Variants in DNAJC25 observed in about 807,000 individuals in gnomAD.
The protein encoded by DNAJC25 is dnaJ homolog subfamily C member 25.
Under a neutral mutation model 42.1 loss-of-function variants are expected in DNAJC25, and 26 were observed. The ratio of observed to expected loss-of-function variants is 0.62; its 90% CI spans 0.45 to 0.86. The LOEUF is 0.86. Among genes scored for constraint, DNAJC25 ranks in the 40% least tolerant of loss-of-function variants. DNAJC25 has a pLI of 0.00. For missense variants in DNAJC25, 404 were observed against 459.4 expected (o/e 0.88, Z 1.10); for synonymous variants, 189 against 179.9 (o/e 1.05, Z -0.40).
Position 111,651,527 on chromosome 9 carries a change from T to G in DNAJC25, c.961-1573T>G, listed in dbSNP as rs113911634. Among the ~76,000 whole-genome samples, 1,305 of 152,232 alleles carry G rather than the reference T, an allele frequency of 8.6e-3. 23 individuals are homozygous for G. Among genetic ancestry groups the G allele is most frequent in the African/African-American group, 0.03 (1,244 of 41,538 alleles). Reference sequence around the variant, plus strand: ...AAGTAAAATAATTTCTTTCCAAAATTTGATGTGGCTGTGAAACTGGCTAAG... The same window carrying G: ...AAGTAAAATAATTTCTTTCCAAAATGTGATGTGGCTGTGAAACTGGCTAAG... On this transcript the variant is annotated intron_variant, in intron 3 of 3. Coordinates refer to ENST00000313525, the MANE Select transcript of DNAJC25 (RefSeq NM_001015882.3).
chr9:111,650,293 G>C (rs1013923), intron 3 of DNAJC25, among the ~76,000 whole-genome samples: 1,635 of 132,862 alleles, frequency 0.012, 31 homozygotes, highest in African/African-American at 0.048. Context: ...CCTAGCCACA[G>C]AGACTTAAAA....
intron 1 of DNAJC25, among the ~76,000 whole-genome samples, chr9:111,643,530 C>T (rs896899263): frequency 1.3e-5 from 2 of 152,088 alleles, no homozygotes; most frequent in Non-Finnish European, 2.9e-5. Flanking sequence ...GAGAAATAGA[C>T]ATTTGAAGAC....
At chr9:111,653,011 TTA>T in intron 3 of DNAJC25, 87 bp from the exon 4 acceptor site, 1 of 1,346,180 alleles carries the variant, frequency 7.4e-7, no homozygotes, top group Non-Finnish European at 9.7e-7. Flanking sequence ...TTACCTAACA[TTA>T]TGTTAGAAAA....
chr9:111,634,263 G>C (rs1015806337), intron 1 of DNAJC25, among the ~76,000 whole-genome samples: 1 of 152,188 alleles, frequency 6.6e-6, no homozygotes, highest in African/African-American at 2.4e-5. Flanking sequence ...ATAAGGATAA[G>C]GACTTTGACT....
In DNAJC25 at chr9:111,652,248, G is replaced by T. The variant is rs909868792; in HGVS notation, c.961-852G>T. Among the ~76,000 whole-genome samples, 4 of 151,936 alleles carry T rather than the reference G, an allele frequency of 2.6e-5. No homozygotes were observed. In the East Asian group the frequency reaches 5.8e-4, roughly 22 times the overall value. ...TTCTAGGCAGGGTGCAGTGGCTCAC[G>T]CCTGTAATCCCAACACTTTGGGAGG... is the stretch of plus-strand genomic sequence containing the variant. On this transcript the variant is annotated intron_variant, in intron 3 of 3. Transcript: ENST00000313525.
At position 111,647,143 on chromosome 9, in the gene DNAJC25, G is replaced by A. The variant is rs1371966929; in HGVS notation, c.373G>A (p.Asp125Asn). 6.2e-7 allele frequency: 1 copy of A among 1,614,030 alleles called. No homozygotes were observed. Among genetic ancestry groups the A allele is most frequent in the Non-Finnish European group, 8.5e-7 (1 of 1,179,968 alleles). The change falls in exon 2 of 4, where the codon GAT becomes AAT. Residue 125 changes from aspartate to asparagine, a missense_variant. Coordinates refer to ENST00000313525, the MANE Select transcript of DNAJC25 (RefSeq NM_001015882.3). The part of the protein sequence containing the change: ...ETRKDYDYML[D>N]HPEEYYSHYY... The stretch of plus-strand genomic sequence containing the variant: ...ACGAAAAGATTATGATTACATGCTG[G>A]ATCATCCAGAAGAGTACTACAGCCA...
intron 1 of DNAJC25, among the ~76,000 whole-genome samples, chr9:111,638,395 G>T (rs1830395750): frequency 2.6e-5 from 4 of 152,184 alleles, no homozygotes; most frequent in Admixed American, 2.6e-4. Flanking sequence ...ATTATTTCCA[G>T]TTTTCTACAA....
chr9:111,641,660 G>A (rs1311670476), intron 1 of DNAJC25, among the ~76,000 whole-genome samples: 10 of 118,550 alleles, frequency 8.4e-5, no homozygotes, highest in Admixed American at 1.6e-4. Flanking sequence ...CAGCCGCCCC[G>A]TCCGGGAGGG....
chr9:111,641,733 C>G (rs1830473356), intron 1 of DNAJC25, among the ~76,000 whole-genome samples: 1 of 131,780 alleles, frequency 7.6e-6, no homozygotes, highest in African/African-American at 3.0e-5. Context: ...TGAGGGGCGC[C>G]TCTGCCCGGC....
intron 1 of DNAJC25, among the ~76,000 whole-genome samples, chr9:111,640,393 T>C (rs1830434601): frequency 7.4e-6 from 1 of 135,372 alleles, no homozygotes; most frequent in Non-Finnish European, 1.6e-5. Flanking sequence ...GCCCATCGTC[T>C]GGGATGTGAG....
intron 1 of DNAJC25, among the ~76,000 whole-genome samples, chr9:111,640,924 G>GC (rs1369749540): frequency 9.9e-6 from 1 of 100,740 alleles, no homozygotes; most frequent in Non-Finnish European, 1.8e-5. Context: ...GTGCCGTCCG[G>GC]CCAGCCGTGC....
chr9:111,638,020 A>G (rs1225901242), intron 1 of DNAJC25, among the ~76,000 whole-genome samples: 1 of 152,182 alleles, frequency 6.6e-6, no homozygotes, highest in Non-Finnish European at 1.5e-5. Context: ...TTTTAAGCTG[A>G]CAGCTCTAAA....
At chr9:111,637,962 A>G (rs1453379133) in intron 1 of DNAJC25, among the ~76,000 whole-genome samples, 3 of 151,964 alleles carry the variant, frequency 2.0e-5, no homozygotes, top group African/African-American at 7.3e-5. Flanking sequence ...TTTATTTTCT[A>G]AGCTCTTCCT....
intron 1 of DNAJC25, among the ~76,000 whole-genome samples, chr9:111,636,963 G>GC (rs1483402742): frequency 1.3e-5 from 2 of 152,144 alleles, no homozygotes; most frequent in Non-Finnish European, 2.9e-5. Context: ...TTATATACTA[G>GC]CTGTGTTTGA....
intron 1 of DNAJC25, among the ~76,000 whole-genome samples, chr9:111,639,312 G>C (rs1427136867): frequency 1.3e-5 from 2 of 152,356 alleles, no homozygotes; most frequent in Non-Finnish European, 2.9e-5. Context: ...AAGTGACTAA[G>C]TAGATGCTGA....
In DNAJC25 at chr9:111,631,346, C is replaced by T; in HGVS notation, c.-62C>T. 8.0e-7 allele frequency: 1 copy of T among 1,253,548 alleles called. No homozygotes were observed. The highest frequency in any genetic ancestry group is 1.0e-6 in the Non-Finnish European group (1 of 1,002,518). The allele number at this position is 1,253,548 out of a possible 1,614,324, so 77.7% of individuals were successfully genotyped here. ...TGTAGCTGGGGCCAGACGGGACTAG[C>T]CGGGCGCGCGGCTGAGTGCTGCAGA... On this transcript the variant is annotated 5_prime_UTR_variant, in exon 1 of 4. Coordinates refer to ENST00000313525, the MANE Select transcript of DNAJC25 (RefSeq NM_001015882.3).
intron 2 of DNAJC25, among the ~76,000 whole-genome samples, chr9:111,649,151 TAA>T (rs1830610281): frequency 6.6e-6 from 1 of 152,220 alleles, no homozygotes; most frequent in African/African-American, 2.4e-5. Context: ...AGCCAAATGG[TAA>T]AGATACGAAC....
chr9:111,648,266 T>G (rs1830596593), intron 2 of DNAJC25, among the ~76,000 whole-genome samples: 1 of 78,972 alleles, frequency 1.3e-5, no homozygotes, highest in Non-Finnish European at 2.4e-5. Flanking sequence ...ACGATTCAGT[T>G]TTTTTTTTTT....
intron 3 of DNAJC25, among the ~76,000 whole-genome samples, chr9:111,652,573 C>T (rs1297112874): frequency 6.8e-6 from 1 of 148,090 alleles, no homozygotes; most frequent in Non-Finnish European, 1.5e-5. Context: ...TGGAGTTTCA[C>T]TCTTGTTGCC....
Sources: allele counts gnomAD v4.1 joint callset (sites outside exome capture counted in the v4.1 genomes callset), GRCh38; gene constraint gnomAD v4.1.1; transcripts MANE v1.5; gene names NCBI Gene and HGNC (gene_info 2026-07-23, HGNC 2026-07-21).